EML4: variants seen among roughly 807,000 people sequenced by gnomAD.
The protein encoded by EML4 is EMAP like 4, also known as echinoderm microtubule-associated protein-like 4.
In EML4, 72 loss-of-function variants were observed where a neutral mutation model predicts 129.0. The observed-to-expected ratio is 0.56, with a 90% confidence interval of 0.46 to 0.68. The LOEUF (loss-of-function observed/expected upper bound fraction) is 0.68. Among genes scored for constraint, EML4 ranks in the 30% least tolerant of loss-of-function variants. The pLI is 0.00. For synonymous variants in EML4, 532 were observed against 405.0 expected (o/e 1.31, Z -3.77); for missense variants, 1,363 against 1,190.6 (o/e 1.14, Z -2.13).
At position 42,295,416 on chromosome 2, in the gene EML4, A is replaced by C. The variant is rs202185553; in HGVS notation, c.1389A>C (p.Ala463=). 4.3e-6 allele frequency: 7 copies of C among 1,614,050 alleles called. No individual in the cohort carries two copies. The highest frequency in any genetic ancestry group is 3.3e-5 in the South Asian group (3 of 91,062). The change falls in exon 13 of 23, where the codon GCA becomes GCC. Residue 463 remains alanine (A), a synonymous_variant. Coordinates refer to ENST00000318522, the MANE Select transcript of EML4 (RefSeq NM_019063.5). ...AGCCAAAATTTGTGCAGTGTTTAGC[A>C]TTCTTGGGGAATGGAGATGTTCTTA... ...YEKPKFVQCL[A]FLGNGDVLTG...
intron 1 of EML4, among the ~76,000 whole-genome samples, chr2:42,243,014 G>A (rs1011240140): frequency 1.3e-5 from 2 of 152,100 alleles, no homozygotes; most frequent in Admixed American, 1.3e-4. Flanking sequence ...CTGGGATCAA[G>A]CGATCCGCCC....
intron 1 of EML4, among the ~76,000 whole-genome samples, chr2:42,234,971 A>C (rs924934489): frequency 6.6e-6 from 1 of 152,212 alleles, no homozygotes; most frequent in Admixed American, 6.5e-5. Flanking sequence ...AGCCTGGCCA[A>C]CGTGGCGAAA....
At chr2:42,321,980 A>G (rs149844487) in intron 19 of EML4, among the ~76,000 whole-genome samples, 69 of 152,330 alleles carry the variant, frequency 4.5e-4, no homozygotes, top group Middle Eastern at 3.4e-3. Context: ...GTTTTCTACA[A>G]ACTTCTCTAA....
At chr2:42,286,980 G>T (rs952657615) in intron 10 of EML4, among the ~76,000 whole-genome samples, 5 of 152,100 alleles carry the variant, frequency 3.3e-5, no homozygotes, top group Admixed American at 6.5e-5. Flanking sequence ...AAACATTCTG[G>T]TTTTTTCTTG....
chr2:42,304,309 C>A (rs772986005), intron 16 of EML4, among the ~76,000 whole-genome samples, 175 bp from the exon 17 acceptor site: 1 of 152,228 alleles, frequency 6.6e-6, no homozygotes, highest in Admixed American at 6.5e-5. Flanking sequence ...AGCATATCCC[C>A]TTCATGCTCT....
chr2:42,242,509 G>A (rs1215777719), intron 1 of EML4, among the ~76,000 whole-genome samples: 1 of 152,036 alleles, frequency 6.6e-6, no homozygotes, highest in Non-Finnish European at 1.5e-5. Flanking sequence ...TGACATCCTG[G>A]TAGCTGGAGA....
At chr2:42,200,790 A>G (rs755430778) in intron 1 of EML4, among the ~76,000 whole-genome samples, 4 of 152,158 alleles carry the variant, frequency 2.6e-5, no homozygotes, top group African/African-American at 7.2e-5. Context: ...CATGCCTTCT[A>G]TTGAATCTTT....
chr2:42,177,888 A>T (rs1670697056), intron 1 of EML4, among the ~76,000 whole-genome samples: 2 of 152,188 alleles, frequency 1.3e-5, no homozygotes, highest in Admixed American at 1.3e-4. Flanking sequence ...TGCTTCATGG[A>T]ACATTTAATT....
At chr2:42,281,604 A>G (rs1282551828) in intron 7 of EML4, among the ~76,000 whole-genome samples, 1 of 152,152 alleles carries the variant, frequency 6.6e-6, no homozygotes, top group African/African-American at 2.4e-5. Context: ...AACTTTCTTT[A>G]CTTATAAAAG....
chr2:42,187,928 C>G (rs757150546), intron 1 of EML4, among the ~76,000 whole-genome samples: 1 of 151,828 alleles, frequency 6.6e-6, no homozygotes, highest in South Asian at 2.1e-4. Context: ...TTTGCCTAAC[C>G]CAGGGTCACA....
intron 1 of EML4, among the ~76,000 whole-genome samples, chr2:42,174,705 A>G (rs1670490157): frequency 6.6e-6 from 1 of 152,224 alleles, no homozygotes; most frequent in South Asian, 2.1e-4. Flanking sequence ...ATTTTAAAGC[A>G]TTCCTTATTT....
intron 1 of EML4, among the ~76,000 whole-genome samples, chr2:42,216,094 A>G (rs1212977147): frequency 6.6e-6 from 1 of 151,542 alleles, no homozygotes; most frequent in East Asian, 1.9e-4. Flanking sequence ...TAATTTTTGT[A>G]TTTTTATTAG....
chr2:42,240,841 G>A (rs1461328632), intron 1 of EML4, among the ~76,000 whole-genome samples: 3 of 152,074 alleles, frequency 2.0e-5, no homozygotes, highest in Non-Finnish European at 4.4e-5. Flanking sequence ...TCACAGAGTT[G>A]GTAAATAGCA....
chr2:42,235,728 C>G (rs141023873), intron 1 of EML4, among the ~76,000 whole-genome samples: 1 of 151,282 alleles, frequency 6.6e-6, no homozygotes, highest in East Asian at 1.9e-4. Flanking sequence ...CTGTTTTTTT[C>G]CTTAGGTTTG....
At chr2:42,243,189 T>G (rs1266725599) in intron 1 of EML4, among the ~76,000 whole-genome samples, 2 of 152,156 alleles carry the variant, frequency 1.3e-5, no homozygotes, top group East Asian at 3.8e-4. Flanking sequence ...ACAGCTCTAC[T>G]AGGACCAAGA....
intron 1 of EML4, among the ~76,000 whole-genome samples, chr2:42,229,935 A>G (rs998376212): frequency 7.2e-5 from 11 of 152,026 alleles, no homozygotes; most frequent in African/African-American, 2.2e-4. Context: ...AGAGAAAGAA[A>G]AAAACCATAA....
intron 11 of EML4, among the ~76,000 whole-genome samples, chr2:42,292,966 G>C (rs1667735761): frequency 6.6e-6 from 1 of 152,040 alleles, no homozygotes; most frequent in South Asian, 2.1e-4. Flanking sequence ...ATGTAGTTTT[G>C]ATTTGTCTGA....
intron 1 of EML4, among the ~76,000 whole-genome samples, chr2:42,183,567 T>C (rs1451580245): frequency 6.6e-6 from 1 of 152,212 alleles, no homozygotes; most frequent in East Asian, 1.9e-4. Flanking sequence ...CTGATTTTGA[T>C]AGGTTTTTGG....
chr2:42,214,042 T>C (rs1673032780), intron 1 of EML4, among the ~76,000 whole-genome samples: 1 of 152,178 alleles, frequency 6.6e-6, no homozygotes, highest in South Asian at 2.1e-4. Flanking sequence ...GTAACACATA[T>C]GTTTTGTGAT....
Sources: allele counts gnomAD v4.1 joint callset (sites outside exome capture counted in the v4.1 genomes callset), GRCh38; gene constraint gnomAD v4.1.1; transcripts MANE v1.5; gene names NCBI Gene and HGNC (gene_info 2026-07-23, HGNC 2026-07-21).